Variants in ANO2 observed in about 807,000 individuals in gnomAD.
ANO2 encodes anoctamin 2, also known as anoctamin-2.
In ANO2, 101 loss-of-function variants were observed where a neutral mutation model predicts 124.2. That is an observed-to-expected ratio of 0.81 (90% confidence interval 0.69 to 0.96). The LOEUF is 0.96. ANO2 is among the 40% of genes least tolerant of loss of function. ANO2 has a pLI of 0.00. For missense variants in ANO2, 1,293 were observed against 1,274.5 expected, an observed-to-expected ratio of 1.01 and a Z score of -0.22; for synonymous variants, 486 against 482.5, an observed-to-expected ratio of 1.01 and a Z score of -0.09.
At chr12:5,701,794 C>T (rs1032599193) in intron 14 of ANO2, among the ~76,000 whole-genome samples, 11 of 152,184 alleles carry the variant, frequency 7.2e-5, no homozygotes, top group African/African-American at 2.4e-4. Flanking sequence ...CAAACTAAAA[C>T]GGTCTCTTCC....
At chr12:5,840,289 G>T (rs545233587) in intron 4 of ANO2, among the ~76,000 whole-genome samples, 5 of 152,152 alleles carry the variant, frequency 3.3e-5, no homozygotes, top group African/African-American at 7.2e-5. Flanking sequence ...AAGCTCACTT[G>T]GGCCTCACTG....
At chr12:5,718,544 G>A (rs1359332412) in intron 14 of ANO2, among the ~76,000 whole-genome samples, 2 of 152,224 alleles carry the variant, frequency 1.3e-5, no homozygotes, top group Non-Finnish European at 2.9e-5. Flanking sequence ...AAGGAGGTGG[G>A]GGGAGGAAAG....
In ANO2 at chr12:5,907,189, C is replaced by T. The variant is rs142402421; in HGVS notation, c.534+13851G>A. Among the ~76,000 whole-genome samples, 17 of 152,282 alleles carry T rather than the reference C, an allele frequency of 1.1e-4. No homozygotes were observed. The East Asian group carries it at 2.7e-3, about 24-fold the overall frequency. ...AGAAATGAATGATGTCGTTTTGTTTCGGTTGTGCCTATTTTTATAATTATT... is the reference window on the plus strand; with the variant it reads ...AGAAATGAATGATGTCGTTTTGTTTTGGTTGTGCCTATTTTTATAATTATT... On this transcript the variant is annotated intron_variant, in intron 3 of 24. Coordinates refer to ENST00000682330, the MANE Select transcript of ANO2 (RefSeq NM_001364791.2).
chr12:5,568,300 C>A (rs976317131), intron 23 of ANO2, among the ~76,000 whole-genome samples: 1 of 152,048 alleles, frequency 6.6e-6, no homozygotes, highest in Non-Finnish European at 1.5e-5. Flanking sequence ...CGCCACCACA[C>A]CCGGCTAATT....
At chr12:5,886,794 T>C (rs538172258) in intron 3 of ANO2, among the ~76,000 whole-genome samples, 2 of 152,316 alleles carry the variant, frequency 1.3e-5, no homozygotes, top group East Asian at 1.9e-4. Flanking sequence ...TGCTACAACA[T>C]GGATACACTT....
chr12:5,912,385 C>T (rs934088501), intron 3 of ANO2, among the ~76,000 whole-genome samples: 9 of 152,248 alleles, frequency 5.9e-5, no homozygotes, highest in Admixed American at 5.2e-4. Flanking sequence ...GTTTCCTAGT[C>T]GGTGAGAAGG....
chr12:5,720,254 T>C (rs1950172454), intron 14 of ANO2, among the ~76,000 whole-genome samples: 1 of 152,160 alleles, frequency 6.6e-6, no homozygotes, highest in Non-Finnish European at 1.5e-5. Flanking sequence ...GGCAATCCCG[T>C]CAGTTTTCTT....
At chr12:5,630,000 C>A (rs1002714303) in intron 16 of ANO2, among the ~76,000 whole-genome samples, 1 of 152,198 alleles carries the variant, frequency 6.6e-6, no homozygotes, top group African/African-American at 2.4e-5. Flanking sequence ...ATATCATTCT[C>A]AAGGAAATTA....
At chr12:5,837,749 A>C (rs533758785) in intron 4 of ANO2, among the ~76,000 whole-genome samples, 1 of 151,820 alleles carries the variant, frequency 6.6e-6, no homozygotes, top group African/African-American at 2.4e-5. Context: ...AAATGCCCAC[A>C]AGAGAAAGCA....
intron 4 of ANO2, among the ~76,000 whole-genome samples, chr12:5,851,502 T>A (rs905047450): frequency 2.0e-5 from 3 of 151,910 alleles, no homozygotes; most frequent in Non-Finnish European, 2.9e-5. Context: ...CTGGCCAACA[T>A]GGAGAAACCC....
At chr12:5,660,615 A>G (rs1461690026) in intron 14 of ANO2, among the ~76,000 whole-genome samples, 1 of 151,748 alleles carries the variant, frequency 6.6e-6, no homozygotes, top group Non-Finnish European at 1.5e-5. Flanking sequence ...ATTGCTATCC[A>G]AAGTGATCTT....
chr12:5,758,784 TTACCTCAGTTTCCAC>T (rs1483383248), intron 10 of ANO2, among the ~76,000 whole-genome samples: 9 of 152,194 alleles, frequency 5.9e-5, no homozygotes, highest in Non-Finnish European at 1.2e-4. Context: ...ATAATACTAC[TTACCTCAGTTTCCAC>T]TGTCATTTTA....
chr12:5,723,852 T>C (rs1156324000), intron 14 of ANO2, among the ~76,000 whole-genome samples: 1 of 152,180 alleles, frequency 6.6e-6, no homozygotes, highest in African/African-American at 2.4e-5. Flanking sequence ...CAAGGGGCAG[T>C]GTGCACAGAT....
intron 4 of ANO2, among the ~76,000 whole-genome samples, chr12:5,836,088 C>A (rs879633236): frequency 1.3e-5 from 2 of 152,106 alleles, no homozygotes; most frequent in Non-Finnish European, 2.9e-5. Flanking sequence ...AGGACTATTC[C>A]TTTTCTGTCC....
chr12:5,650,607 T>G (rs1476136788), intron 14 of ANO2, among the ~76,000 whole-genome samples: 3 of 152,226 alleles, frequency 2.0e-5, no homozygotes, highest in Non-Finnish European at 4.4e-5. Flanking sequence ...TGGAAGCCAA[T>G]TAAAACTCTC....
chr12:5,809,218 C>T (rs890042857), intron 7 of ANO2, among the ~76,000 whole-genome samples: 10 of 152,134 alleles, frequency 6.6e-5, no homozygotes, highest in Admixed American at 5.2e-4. Context: ...CTCTGAGCAT[C>T]ATTACTCAGT....
At chr12:5,927,437 C>G (rs1328620915) in intron 1 of ANO2, among the ~76,000 whole-genome samples, 1 of 152,126 alleles carries the variant, frequency 6.6e-6, no homozygotes, top group Non-Finnish European at 1.5e-5. Context: ...GATGGAGAGG[C>G]CCAAATCTCA....
chr12:5,924,239 T>G (rs1291773322), intron 1 of ANO2, among the ~76,000 whole-genome samples: 1 of 152,242 alleles, frequency 6.6e-6, no homozygotes, highest in Non-Finnish European at 1.5e-5. Flanking sequence ...CCAGCGCAGT[T>G]TCAGGGGTCC....
In ANO2 at chr12:5,563,419, CG is replaced by C; in HGVS notation, c.2876del (p.Pro959ArgfsTer3). The C allele has an allele frequency of 6.2e-7, 1 of 1,612,224 alleles. No homozygotes were observed. Among genetic ancestry groups the C allele is most frequent in the Non-Finnish European group, 8.5e-7 (1 of 1,179,248 alleles). ...CCCCACCTCCTGGGCTCCTCAGAGCCGGCTCATCCATCAGCTTGAGCTTCTC... is the reference window on the plus strand; with the variant it reads ...CCCCACCTCCTGGGCTCCTCAGAGCCGCTCATCCATCAGCTTGAGCTTCTC... ...EHEKLKLMDEPALRSPGGGDR... is the reference protein window; with the variant it reads ...EHEKLKLMDEXALRSPGGGDR... On this transcript the variant is annotated frameshift_variant, in exon 25 of 25. Transcript: ENST00000682330. LOFTEE classifies it low-confidence loss of function (END_TRUNC).
Sources: allele counts gnomAD v4.1 joint callset (sites outside exome capture counted in the v4.1 genomes callset), GRCh38; gene constraint gnomAD v4.1.1; transcripts MANE v1.5; gene names NCBI Gene and HGNC (gene_info 2026-07-23, HGNC 2026-07-21).